RAP1GAP2: variants seen among roughly 807,000 people sequenced by gnomAD.
RAP1GAP2 encodes the protein rap1 GTPase-activating protein 2.
A neutral mutation model predicts 95.0 loss-of-function variants in RAP1GAP2; 27 were observed. The ratio of observed to expected loss-of-function variants is 0.28; its 90% confidence interval spans 0.21 to 0.39. The LOEUF is 0.39. RAP1GAP2 is among the 10% of genes least tolerant of loss of function. RAP1GAP2 has a pLI of 1.00. For synonymous variants in RAP1GAP2, 373 were observed against 380.9 expected (o/e 0.98, Z 0.24); for missense variants, 771 against 970.0 (o/e 0.79, Z 2.72).
At position 2,904,240 on chromosome 17, in the gene RAP1GAP2, C is replaced by A. The variant is rs1419920095; in HGVS notation, c.81-1044C>A. On this transcript the variant is annotated intron_variant, in intron 2 of 24. Transcript: ENST00000254695. The surrounding 1 kb of genome is among the most constrained non-coding windows in gnomAD (Gnocchi z 4.7). Reference sequence around the variant, plus strand: ...GTCCCTCACCCGGGAATTCCCCAGGCTCTGCCCAGCTGGCCCTGTTGTGCA... The same window carrying A: ...GTCCCTCACCCGGGAATTCCCCAGGATCTGCCCAGCTGGCCCTGTTGTGCA... Among the ~76,000 whole-genome samples, 1 of 152,164 alleles carries A rather than the reference C, an allele frequency of 6.6e-6. No homozygotes were observed. The highest frequency in any genetic ancestry group is 1.5e-5 in the Non-Finnish European group (1 of 68,038).
At chr17:2,812,861 T>C (rs9892810) in intron 2 of RAP1GAP2, among the ~76,000 whole-genome samples, 95,090 of 151,090 alleles carry the variant, frequency 0.63, 30,431 homozygotes, top group African/African-American at 0.72. Context: ...GTGGTGGTGG[T>C]TCCCTGTAAT....
At chr17:3,012,110 G>A (rs535961881) in intron 17 of RAP1GAP2, among the ~76,000 whole-genome samples, 2 of 152,084 alleles carry the variant, frequency 1.3e-5, no homozygotes, top group Admixed American at 6.5e-5. Context: ...ACCTCACCCC[G>A]CTTGGAGCAG....
In RAP1GAP2 at chr17:3,027,680, C is replaced by T. The variant is rs982151182; in HGVS notation, c.2107+610C>T. Among the ~76,000 whole-genome samples, 1 of 150,702 alleles carries T rather than the reference C, an allele frequency of 6.6e-6. No individual in the cohort carries two copies. The highest frequency in any genetic ancestry group is 2.4e-5 in the African/African-American group (1 of 40,868). On this transcript the variant is annotated intron_variant, in intron 22 of 24. Coordinates refer to ENST00000254695, the MANE Select transcript of RAP1GAP2 (RefSeq NM_015085.5). This position sits in a 1 kb window ranked among gnomAD's most constrained non-coding sequence, Gnocchi z 5.2. ...GCCACTGTTGGAGTGTTTGAAGGTT[C>T]TTAAGTAGGGAAGCACCATCTGGAG... is the stretch of plus-strand genomic sequence containing the variant.
At chr17:2,889,889 A>ATATATATTTT (rs1408426152) in intron 2 of RAP1GAP2, among the ~76,000 whole-genome samples, 619 of 57,100 alleles carry the variant, frequency 0.011, 4 homozygotes, top group Admixed American at 0.018. Flanking sequence ...ATATATATAT[A>ATATATATTTT]TTTTTTTTTT....
intron 11 of RAP1GAP2, among the ~76,000 whole-genome samples, chr17:2,986,994 A>G (rs1329456495): frequency 1.3e-5 from 2 of 152,212 alleles, no homozygotes; most frequent in Non-Finnish European, 2.9e-5. Flanking sequence ...TTTTTTGGGT[A>G]AAGGGCCAGA....
Position 2,965,298 on chromosome 17 carries a change from C to T in RAP1GAP2, c.493-242C>T. On this transcript the variant is annotated intron_variant, in intron 7 of 24. Transcript: ENST00000254695. The surrounding 1 kb of genome is among the most constrained non-coding windows in gnomAD (Gnocchi z 4.7). ...ATCTGTGAAATGGGGATGATGTTCT[C>T]TCCCGGATACAGCTGTGGTCAGGAC... is the stretch of plus-strand genomic sequence containing the variant. The T allele has an allele frequency of 5.6e-6, 3 of 533,966 alleles. No homozygotes were observed. Among genetic ancestry groups the T allele is most frequent in the Non-Finnish European group, 1.0e-5 (3 of 296,744 alleles). The allele number at this position is 533,966 out of a possible 1,614,324, so 33.1% of individuals were successfully genotyped here. A position where few individuals can be genotyped will look rare whatever the true frequency, so the allele number is the denominator to read the frequency against.
Position 2,957,330 on chromosome 17 carries a change from C to T in RAP1GAP2, c.166-429C>T, listed in dbSNP as rs146787019. 3.0e-4 allele frequency among the ~76,000 whole-genome samples: 46 copies of T among 152,284 alleles called. No homozygotes were observed. The East Asian group carries it at 7.0e-3, about 23-fold the overall frequency. On this transcript the variant is annotated intron_variant, in intron 3 of 24. Transcript: ENST00000254695. ...GTGGCCACAGCGACCCTGCTTTCACCGGTTGGTTTTCTGTATCAGGGTGTG... is the reference window on the plus strand; with the variant it reads ...GTGGCCACAGCGACCCTGCTTTCACTGGTTGGTTTTCTGTATCAGGGTGTG...
upstream of RAP1GAP2, among the ~76,000 whole-genome samples, chr17:2,774,678 G>A (rs542352296): frequency 2.6e-5 from 4 of 151,272 alleles, no homozygotes; most frequent in African/African-American, 9.7e-5. Flanking sequence ...CACCATGTTG[G>A]CAGGCTGGTC....
chr17:3,020,552 C>T lies in RAP1GAP2; in HGVS notation c.1708C>T (p.Leu570=). The part of the protein sequence containing the change: ...IKRRSGLFPR[L]HTGSEGQGDS... Reference sequence around the variant, plus strand: ...GCGACGCTCGGGGCTCTTCCCCCGCCTGCACACGGGCTCAGAAGGCCAGGG... The same window carrying T: ...GCGACGCTCGGGGCTCTTCCCCCGCTTGCACACGGGCTCAGAAGGCCAGGG... Residue 570 remains leucine, a synonymous_variant, in exon 19 of 25, where the codon CTG becomes TTG. Coordinates refer to ENST00000254695, the MANE Select transcript of RAP1GAP2 (RefSeq NM_015085.5). 2 of 1,613,944 alleles carry T rather than the reference C, an allele frequency of 1.2e-6. No homozygotes were observed. Among genetic ancestry groups the T allele is most frequent in the Middle Eastern group, 1.7e-4 (1 of 6,060 alleles).
upstream of RAP1GAP2, among the ~76,000 whole-genome samples, chr17:2,776,842 GGAGGAGGAGGA>G (rs1342709501): frequency 6.6e-6 from 1 of 151,346 alleles, no homozygotes; most frequent in Non-Finnish European, 1.5e-5. Context: ...AGGAGGAGGA[GGAGGAGGAGGA>G]GGAGGGGGCT....
chr17:2,777,966 C>T lies in RAP1GAP2; in HGVS notation c.-14+688C>T, dbSNP rs1487823172. The stretch of plus-strand genomic sequence containing the variant: ...GCCAGGAGGCTGGGAGGCTGGGAGG[C>T]GGGGAGGCTGGGAGGCTGGGAGGCG... On this transcript the variant is annotated intron_variant, in intron 1 of 24. Transcript: ENST00000540393. 1.7e-4 allele frequency among the ~76,000 whole-genome samples: 4 copies of T among 23,470 alleles called. 1 individual carries two copies. The highest frequency in any genetic ancestry group is 3.5e-4 in the Non-Finnish European group (4 of 11,282). 15.4% of individuals were successfully genotyped at this position (23,470 alleles called of 152,430 possible). A position where few individuals can be genotyped will look rare whatever the true frequency, so the allele number is the denominator to read the frequency against.
chr17:3,013,401 T>C (rs1241693750), intron 17 of RAP1GAP2, among the ~76,000 whole-genome samples: 5 of 152,144 alleles, frequency 3.3e-5, no homozygotes, highest in African/African-American at 1.2e-4. Flanking sequence ...GCCTTGTGCT[T>C]GGCCCTGCTC....
chr17:2,927,048 C>T (rs376922101), intron 3 of RAP1GAP2, among the ~76,000 whole-genome samples: 1 of 151,566 alleles, frequency 6.6e-6, no homozygotes, highest in East Asian at 1.9e-4. Flanking sequence ...GGGCCGCATT[C>T]CCTCTGTAGG....
At chr17:2,993,054 CAA>C (rs1157432511) in intron 12 of RAP1GAP2, among the ~76,000 whole-genome samples, 14 of 103,004 alleles carry the variant, frequency 1.4e-4, no homozygotes, top group Non-Finnish European at 1.5e-4. Flanking sequence ...ACTAAAAATA[CAA>C]AAAAAAAAAA....
rs1300976081 is a variant in RAP1GAP2 at position 2,904,475 on chromosome 17, C to T, written c.81-809C>T. ...CCACATGGACTAAGTTAAGTTTTAC[C>T]TGCGGTTGCACGGCAGGCAGCCCTG... On this transcript the variant is annotated intron_variant, in intron 2 of 24. Coordinates refer to ENST00000254695, the MANE Select transcript of RAP1GAP2 (RefSeq NM_015085.5). This position sits in a 1 kb window ranked among gnomAD's most constrained non-coding sequence, Gnocchi z 4.7. Among the ~76,000 whole-genome samples, 1 of 151,608 alleles carries T rather than the reference C, an allele frequency of 6.6e-6. No homozygotes were observed. Among genetic ancestry groups the T allele is most frequent in the Non-Finnish European group, 1.5e-5 (1 of 67,982 alleles).
chr17:2,883,931 C>T (rs2073393047), intron 2 of RAP1GAP2, among the ~76,000 whole-genome samples: 3 of 152,350 alleles, frequency 2.0e-5, no homozygotes, highest in East Asian at 1.9e-4. Flanking sequence ...AGCCAACCTT[C>T]GAGCAACAGC....
chr17:2,892,301 A>T (rs1030975063), intron 2 of RAP1GAP2, among the ~76,000 whole-genome samples: 15 of 152,040 alleles, frequency 9.9e-5, no homozygotes, highest in African/African-American at 3.6e-4. Flanking sequence ...GTTCTGGAAG[A>T]TGTTCTTGTA....
At chr17:2,864,456 G>A (rs2072541137) in intron 2 of RAP1GAP2, among the ~76,000 whole-genome samples, 1 of 152,214 alleles carries the variant, frequency 6.6e-6, no homozygotes, top group African/African-American at 2.4e-5. Flanking sequence ...AACACTGGCT[G>A]GACTGGCCTT....
intron 1 of RAP1GAP2, among the ~76,000 whole-genome samples, chr17:2,787,770 T>C (rs2068823604): frequency 6.6e-6 from 1 of 152,154 alleles, no homozygotes; most frequent in African/African-American, 2.4e-5. Flanking sequence ...GGTTTCACCA[T>C]GTTGGCCAGG....
Sources: allele counts gnomAD v4.1 joint callset (sites outside exome capture counted in the v4.1 genomes callset), GRCh38; gene constraint gnomAD v4.1.1; non-coding constraint Gnocchi (gnomAD v3.1); transcripts MANE v1.5; gene names NCBI Gene and HGNC (gene_info 2026-07-23, HGNC 2026-07-21).